SEZ6L: variants seen among roughly 807,000 people sequenced by gnomAD.
SEZ6L encodes seizure 6-like protein.
A neutral mutation model predicts 106.2 loss-of-function variants in SEZ6L; 37 were observed. The observed-to-expected ratio is 0.35, with a 90% CI of 0.27 to 0.46. The LOEUF is 0.46. Among genes scored for constraint, SEZ6L ranks in the 20% least tolerant of loss-of-function variants. The pLI is 1.00. For synonymous variants in SEZ6L, 541 were observed against 570.4 expected, an observed-to-expected ratio of 0.95 and a Z score of 0.73; for missense variants, 1,172 against 1,332.8, an observed-to-expected ratio of 0.88 and a Z score of 1.88.
chr22:26,332,172 CAG>C (rs2082504352), intron 9 of SEZ6L, among the ~76,000 whole-genome samples: 1 of 116,836 alleles, frequency 8.6e-6, no homozygotes, highest in Non-Finnish European at 1.7e-5. Context: ...TTTTTTGAGA[CAG>C]GGTCTCGCTC....
At chr22:26,228,398 CCA>C (rs1451844160) in intron 1 of SEZ6L, among the ~76,000 whole-genome samples, 2 of 152,126 alleles carry the variant, frequency 1.3e-5, no homozygotes, top group Non-Finnish European at 2.9e-5. Context: ...AGGCTACAAT[CCA>C]CACCCTGCCC....
rs1940965617 is a variant in SEZ6L at position 26,201,589 on chromosome 22, T to TAAAAC, written c.94+31827_94+31831dup. Reference sequence around the variant, plus strand: ...AATAAAAAATAAAAATAAAATAAAATAAAACGTATCTGGAGGCGGTAGAAG... The same window carrying TAAAAC: ...AATAAAAAATAAAAATAAAATAAAATAAAACAAAACGTATCTGGAGGCGGTAGAAG... On this transcript the variant is annotated intron_variant, in intron 1 of 16. Coordinates refer to ENST00000248933, the MANE Select transcript of SEZ6L (RefSeq NM_021115.5). Among the ~76,000 whole-genome samples the TAAAAC allele has an allele frequency of 4.0e-5, 6 of 151,670 alleles. No individual in the cohort carries two copies. In the South Asian group the frequency reaches 1.2e-3, roughly 32 times the overall value.
intron 1 of SEZ6L, among the ~76,000 whole-genome samples, chr22:26,183,590 G>C (rs527724028): frequency 6.6e-6 from 1 of 152,160 alleles, no homozygotes; most frequent in Non-Finnish European, 1.5e-5. Flanking sequence ...GTCACTTTAA[G>C]AGAACCTCCA....
At chr22:26,271,025 C>T (rs1023095320) in intron 1 of SEZ6L, among the ~76,000 whole-genome samples, 10 of 152,306 alleles carry the variant, frequency 6.6e-5, no homozygotes, top group Non-Finnish European at 1.2e-4. Flanking sequence ...CGTGGCCAGT[C>T]GACCCTCAGA....
rs182564834 is a variant in SEZ6L, at chr22:26,204,298, A to G, written c.94+34535A>G. ...GACACAGATGATCATACACATAATT[A>G]CTAACTACTATTGTGATGGGTGCTT... On this transcript the variant is annotated intron_variant, in intron 1 of 16. Transcript: ENST00000248933. Among the ~76,000 whole-genome samples the G allele has an allele frequency of 8.5e-5, 13 of 152,342 alleles. No individual in the cohort carries two copies. The East Asian group carries it at 1.3e-3, about 16-fold the overall frequency.
At chr22:26,172,072 T>G (rs1938658229) in intron 1 of SEZ6L, among the ~76,000 whole-genome samples, 1 of 152,136 alleles carries the variant, frequency 6.6e-6, no homozygotes, top group Admixed American at 6.5e-5. Context: ...AAAGTATAAC[T>G]TGTTTTTGAA....
chr22:26,360,196 G>A (rs908726976), intron 12 of SEZ6L, among the ~76,000 whole-genome samples: 13 of 152,186 alleles, frequency 8.5e-5, no homozygotes, highest in Admixed American at 1.3e-4. Context: ...CCATAGGGGC[G>A]GAGCCAGGGC....
At chr22:26,199,843 C>G (rs999965530) in intron 1 of SEZ6L, among the ~76,000 whole-genome samples, 5 of 152,210 alleles carry the variant, frequency 3.3e-5, no homozygotes, top group African/African-American at 1.2e-4. Flanking sequence ...GGAAAGGGAG[C>G]TGACAGCTCT....
chr22:26,230,460 G>A (rs1194460407), intron 1 of SEZ6L, among the ~76,000 whole-genome samples: 1 of 152,206 alleles, frequency 6.6e-6, no homozygotes. Context: ...CAGGCACAGA[G>A]CTGAGTGCTA....
At chr22:26,349,494 G>A (rs2083200751) in intron 11 of SEZ6L, among the ~76,000 whole-genome samples, 1 of 152,172 alleles carries the variant, frequency 6.6e-6, no homozygotes, top group African/African-American at 2.4e-5. Flanking sequence ...GTGTGTGTGT[G>A]TACATGCACA....
At chr22:26,327,281 CCACCCCACACATACCACACACACAT>C (rs1358487182) in intron 9 of SEZ6L, among the ~76,000 whole-genome samples, 6 of 141,258 alleles carry the variant, frequency 4.2e-5, no homozygotes, top group Non-Finnish European at 7.8e-5. Context: ...CACACACACA[CCACCCCACACATACCACACACACAT>C]GACACTACAC....
Position 26,375,695 on chromosome 22 carries a change from G to T in SEZ6L, c.2942+6G>T, listed in dbSNP as rs1378173488. On this transcript the variant is annotated splice_donor_region_variant and intron_variant, in intron 15 of 16. Coordinates refer to ENST00000248933, the MANE Select transcript of SEZ6L (RefSeq NM_021115.5). ...GCCTACATTTACATCACAAGGTAGG[G>T]AGCTGATGGGGGAGATGACTGCCAA... 6.2e-7 allele frequency: 1 copy of T among 1,603,942 alleles called. No homozygotes were observed. Among genetic ancestry groups the T allele is most frequent in the Non-Finnish European group, 8.5e-7 (1 of 1,171,884 alleles).
At chr22:26,292,165 G>GA in intron 1 of SEZ6L, 1 of 445,118 alleles carries the variant, frequency 2.2e-6, no homozygotes, top group Non-Finnish European at 3.9e-6. Context: ...AGGAAGGAAG[G>GA]AGGAAGGAAA....
At chr22:26,246,667 T>A (rs1434330376) in intron 1 of SEZ6L, among the ~76,000 whole-genome samples, 2 of 152,330 alleles carry the variant, frequency 1.3e-5, no homozygotes, top group South Asian at 4.1e-4. Flanking sequence ...ACAACATTTC[T>A]CCTGGGTGGT....
intron 1 of SEZ6L, among the ~76,000 whole-genome samples, chr22:26,174,648 T>C (rs1014078741): frequency 6.6e-6 from 1 of 152,212 alleles, no homozygotes; most frequent in Non-Finnish European, 1.5e-5. Flanking sequence ...TGGATTTGCA[T>C]GTTTGCATAA....
chr22:26,338,494 C>G (rs2082714028), intron 9 of SEZ6L, among the ~76,000 whole-genome samples: 1 of 151,882 alleles, frequency 6.6e-6, no homozygotes, highest in Admixed American at 6.6e-5. Flanking sequence ...AACTTCTGGG[C>G]TCAAGCAATC....
In SEZ6L at chr22:26,375,614, A is replaced by C; in HGVS notation, c.2867A>C (p.Asn956Thr). The change falls in exon 15 of 17, where the codon AAC becomes ACC. Residue 956 changes from asparagine to threonine, a missense_variant. By Grantham distance (65) the Asn-to-Thr change is moderately conservative (BLOSUM62 0). Transcript: ENST00000248933. ...GCAGAGACGTCGCTGGAAGGGGGGA[A>C]CATGGCCCTGGCTATCTTCATCCCG... ...AAAETSLEGG[N>T]MALAIFIPVL... 3 of 1,614,146 alleles carry C rather than the reference A, an allele frequency of 1.9e-6. No homozygotes were observed. The highest frequency in any genetic ancestry group is 2.5e-6 in the Non-Finnish European group (3 of 1,180,004).
chr22:26,365,600 G>C (rs558375460), intron 13 of SEZ6L, 34 bp downstream of exon 13: 1 of 1,571,456 alleles, frequency 6.4e-7, no homozygotes, highest in South Asian at 1.1e-5. Flanking sequence ...AGGGTCCACG[G>C]GGCCTGGAGA....
chr22:26,380,196 A>G, intron 16 of SEZ6L, 70 bp from the exon 17 acceptor site: 2 of 1,460,096 alleles, frequency 1.4e-6, no homozygotes, highest in Admixed American at 3.4e-5. Flanking sequence ...GGTGCAAAGA[A>G]CTGCATCCCC....
Sources: allele counts gnomAD v4.1 joint callset (sites outside exome capture counted in the v4.1 genomes callset), GRCh38; gene constraint gnomAD v4.1.1; transcripts MANE v1.5; gene names NCBI Gene and HGNC (gene_info 2026-07-23, HGNC 2026-07-21).